Variants in MID1 observed in about 807,000 individuals in gnomAD.
MID1 encodes midline 1, also known as E3 ubiquitin-protein ligase Midline-1.
In MID1, 7 loss-of-function variants were observed where a neutral mutation model predicts 40.4. The observed-to-expected ratio is 0.17, with a 90% CI of 0.10 to 0.33. MID1 has a LOEUF of 0.33. Among genes scored for constraint, MID1 ranks in the 10% least tolerant of loss-of-function variants. The pLI, the probability that MID1 is intolerant of heterozygous loss-of-function variation, is 1.00. For synonymous variants in MID1, 229 were observed against 221.2 expected (o/e 1.04, Z -0.31); for missense variants, 367 against 558.5 (o/e 0.66, Z 3.46).
chrX:10,577,528 T>C (rs1602428365), intron 1 of MID1, among the ~76,000 whole-genome samples: 1 of 111,083 alleles, frequency 9.0e-6, no homozygotes, highest in East Asian at 2.8e-4. Flanking sequence ...CCAAAAATAG[T>C]GACCTAAATA....
intron 1 of MID1, among the ~76,000 whole-genome samples, chrX:10,723,143 G>C (rs1292081237): frequency 8.9e-6 from 1 of 112,188 alleles, no homozygotes; most frequent in Non-Finnish European, 1.9e-5. Flanking sequence ...GCTTGATTCT[G>C]AGTTGACAGT....
intron 1 of MID1, among the ~76,000 whole-genome samples, chrX:10,744,790 A>G (rs2043547627): frequency 9.0e-6 from 1 of 111,641 alleles, no homozygotes; most frequent in South Asian, 3.8e-4. Flanking sequence ...CCTAGCCAAC[A>G]TATGTTTCCA....
At chrX:10,724,094 T>G (rs2043374923) in intron 1 of MID1, among the ~76,000 whole-genome samples, 1 of 109,688 alleles carries the variant, frequency 9.1e-6, no homozygotes, top group South Asian at 3.9e-4. Context: ...ACAGGGTCTC[T>G]CTCTGTTGCC....
At chrX:10,798,061 C>T (rs1309523883) in intron 1 of MID1, among the ~76,000 whole-genome samples, 1 of 112,051 alleles carries the variant, frequency 8.9e-6, no homozygotes, top group Non-Finnish European at 1.9e-5. Flanking sequence ...ATGCTTAGAC[C>T]AAAGCGGGCA....
At chrX:10,751,991 C>G (rs1200921426) in intron 1 of MID1, among the ~76,000 whole-genome samples, 3 of 111,688 alleles carry the variant, frequency 2.7e-5, no homozygotes, top group African/African-American at 9.8e-5. Context: ...CTTGCTCCCT[C>G]TCTTGCCATG....
At chrX:10,450,216 C>T (rs1054376682) in intron 9 of MID1, among the ~76,000 whole-genome samples, 1 of 112,382 alleles carries the variant, frequency 8.9e-6, no homozygotes, top group African/African-American at 3.2e-5. Context: ...ATTTAAATAG[C>T]TGCCTGTGGC....
chrX:10,704,737 T>TAC (rs1463296582), intron 1 of MID1, among the ~76,000 whole-genome samples: 124 of 86,710 alleles, frequency 1.4e-3, no homozygotes, highest in African/African-American at 5.2e-3. Context: ...TATATATATA[T>TAC]ATACACACAC....
intron 4 of MID1, among the ~76,000 whole-genome samples, chrX:10,492,657 C>T (rs1931014304): frequency 8.9e-6 from 1 of 111,893 alleles, no homozygotes; most frequent in Admixed American, 9.5e-5. Flanking sequence ...GGTCCTTTCC[C>T]CAAAGCTTCA....
chrX:10,522,026 G>C (rs965023771), intron 3 of MID1, among the ~76,000 whole-genome samples: 1 of 111,336 alleles, frequency 9.0e-6, no homozygotes, highest in Non-Finnish European at 1.9e-5. Context: ...TTTTTTAATA[G>C]AGATGGGTTT....
At chrX:10,525,988 T>C (rs1932823093) in intron 2 of MID1, among the ~76,000 whole-genome samples, 1 of 112,252 alleles carries the variant, frequency 8.9e-6, no homozygotes, top group South Asian at 3.7e-4. Context: ...TTTCCACATA[T>C]GTTTATGCTT....
intron 4 of MID1, among the ~76,000 whole-genome samples, chrX:10,486,497 C>A (rs1255573011): frequency 9.0e-6 from 1 of 111,661 alleles, no homozygotes; most frequent in African/African-American, 3.3e-5. Flanking sequence ...CAGATTTCCA[C>A]GGGTTGGCAT....
At chrX:10,773,744 T>C (rs2043785255) in intron 1 of MID1, among the ~76,000 whole-genome samples, 1 of 112,331 alleles carries the variant, frequency 8.9e-6, no homozygotes, top group African/African-American at 3.2e-5. Context: ...TCTACCTTAG[T>C]CCACTGCAAA....
chrX:10,649,869 T>C (rs1936299166), intron 1 of MID1, among the ~76,000 whole-genome samples: 1 of 112,348 alleles, frequency 8.9e-6, no homozygotes, highest in Non-Finnish European at 1.9e-5. Context: ...TTTGAAAATA[T>C]TAATTTTTGA....
intron 3 of MID1, among the ~76,000 whole-genome samples, chrX:10,513,667 C>T (rs774328171): frequency 6.6e-4 from 74 of 111,455 alleles, no homozygotes; most frequent in Non-Finnish European, 1.2e-3. Context: ...TGCCACCATA[C>T]CCAGCTAATT....
At chrX:10,591,532 G>A (rs763379200) in intron 1 of MID1, among the ~76,000 whole-genome samples, 2 of 112,073 alleles carry the variant, frequency 1.8e-5, no homozygotes, top group Admixed American at 9.4e-5. Context: ...CAGGGGTGCT[G>A]GGCAAAGGGT....
At chrX:10,703,842 C>A (rs1043825476) in intron 1 of MID1, among the ~76,000 whole-genome samples, 10 of 111,825 alleles carry the variant, frequency 8.9e-5, no homozygotes, top group African/African-American at 2.0e-4. Flanking sequence ...ATTTTAAAAA[C>A]AAGAAAGACC....
chrX:10,534,032 C>T (rs908878517), intron 2 of MID1, among the ~76,000 whole-genome samples: 1 of 109,509 alleles, frequency 9.1e-6, no homozygotes, highest in African/African-American at 3.3e-5. Flanking sequence ...TCATAAAATA[C>T]ACCTTAAAAG....
At chrX:10,516,607 T>TGTGC (rs1410414445) in intron 3 of MID1, among the ~76,000 whole-genome samples, 1 of 53,511 alleles carries the variant, frequency 1.9e-5, no homozygotes, top group Non-Finnish European at 3.5e-5. Context: ...TGTGTGTGTG[T>TGTGC]GTGCGCGCGC....
intron 2 of MID1, among the ~76,000 whole-genome samples, chrX:10,555,105 C>T (rs756204554): frequency 8.9e-6 from 1 of 111,738 alleles, no homozygotes; most frequent in Non-Finnish European, 1.9e-5. Flanking sequence ...TTTATCTGAC[C>T]TATTAGCCCT....
Sources: allele counts gnomAD v4.1 joint callset (sites outside exome capture counted in the v4.1 genomes callset), GRCh38; gene constraint gnomAD v4.1.1; transcripts MANE v1.5; gene names NCBI Gene and HGNC (gene_info 2026-07-23, HGNC 2026-07-21).